RGR: variants seen among roughly 807,000 people sequenced by gnomAD.
RGR encodes retinal G protein coupled receptor.
A neutral mutation model predicts 28.6 loss-of-function variants in RGR; 30 were observed. The ratio of observed to expected loss-of-function variants is 1.05; its 90% confidence interval spans 0.78 to 1.42. The LOEUF is 1.42. Ranked by LOEUF, RGR falls within the 40% of genes most tolerant of loss-of-function variation. The probability of loss-of-function intolerance (pLI) is 0.00; values close to 1 mark genes in which losing one functional copy is unlikely to be tolerated. For synonymous variants in RGR, 180 were observed against 156.4 expected, an observed-to-expected ratio of 1.15 and a Z score of -1.13; for missense variants, 404 against 375.6, an observed-to-expected ratio of 1.08 and a Z score of -0.62.
chr10:84,254,752 T>C (rs1842862791), intron 5 of RGR, among the ~76,000 whole-genome samples: 1 of 152,200 alleles, frequency 6.6e-6, no homozygotes, highest in African/African-American at 2.4e-5. Flanking sequence ...GTTGCTTATG[T>C]TACTTTGGCC....
intron 3 of RGR, 122 bp from the exon 4 acceptor site, chr10:84,252,735 G>T: frequency 7.9e-7 from 1 of 1,258,270 alleles, no homozygotes. Flanking sequence ...CCAGCACTTT[G>T]GGAGACTGAG....
intron 5 of RGR, 82 bp from the exon 6 acceptor site, chr10:84,257,811 G>A (rs1209082934): frequency 2.6e-5 from 31 of 1,192,606 alleles, no homozygotes; most frequent in Non-Finnish European, 3.4e-5. Context: ...GCCCTGCTGA[G>A]TGCTGACCTG....
In RGR at chr10:84,258,642, C is replaced by G. The variant is rs115251643; in HGVS notation, c.*3C>G. The G allele has an allele frequency of 2.5e-6, 4 of 1,614,122 alleles. No individual in the cohort carries two copies. In the East Asian group the frequency reaches 8.9e-5, roughly 36 times the overall value. Reference sequence around the variant, plus strand: ...GGGAGAAGGACCGAACCAAGTGAGCCTGCCACCCTGGAGTGAGCCCCAGGC... The same window carrying G: ...GGGAGAAGGACCGAACCAAGTGAGCGTGCCACCCTGGAGTGAGCCCCAGGC... On this transcript the variant is annotated 3_prime_UTR_variant, in exon 7 of 7. Transcript: ENST00000652092.
chr10:84,249,894 A>G (rs1842794349), intron 3 of RGR, among the ~76,000 whole-genome samples: 1 of 152,170 alleles, frequency 6.6e-6, no homozygotes, highest in South Asian at 2.1e-4. Context: ...TTTTTTCTTA[A>G]AAGTGACTCA....
intron 1 of RGR, among the ~76,000 whole-genome samples, chr10:84,246,126 A>C (rs1040878044): frequency 6.6e-6 from 1 of 151,862 alleles, no homozygotes; most frequent in Non-Finnish European, 1.5e-5. Context: ...AAATTTTACC[A>C]CTTTATTTTT....
intron 1 of RGR, among the ~76,000 whole-genome samples, chr10:84,245,724 C>G (rs546118847): frequency 7.9e-5 from 12 of 152,268 alleles, no homozygotes; most frequent in African/African-American, 2.9e-4. Flanking sequence ...TCATTCACTC[C>G]CATCCTCTCC....
intron 4 of RGR, 111 bp downstream of exon 4, chr10:84,253,121 G>A (rs571083049): frequency 4.7e-4 from 585 of 1,251,742 alleles, no homozygotes; most frequent in Non-Finnish European, 6.0e-4. Flanking sequence ...GTCAACGTTT[G>A]CCAGACAATC....
At chr10:84,250,390 A>T in intron 3 of RGR, 1 of 717,266 alleles carries the variant, frequency 1.4e-6, no homozygotes, top group Non-Finnish European at 2.6e-6. Context: ...TCCAGGCCAA[A>T]ATGCTGCCAT....
Position 84,247,936 on chromosome 10 carries a change from AG to A in RGR, c.236+193del. On this transcript the variant is annotated intron_variant, in intron 2 of 6. Coordinates refer to ENST00000652092, the MANE Select transcript of RGR (RefSeq NM_001012720.2). The stretch of plus-strand genomic sequence containing the variant: ...GAACGACAGCTGATTTCTGGAAGAC[AG>A]GGGTTGCTGAAACCTGATGAAAGAG... The A allele has an allele frequency of 5.8e-6, 5 of 869,326 alleles. No homozygotes were observed. In the South Asian group the frequency reaches 7.7e-5, roughly 13 times the overall value. 53.9% of individuals were successfully genotyped at this position (869,326 alleles called of 1,614,324 possible).
In RGR at chr10:84,259,270, TGTAAC is replaced by T. The variant is rs1842925805; in HGVS notation, c.*634_*638del. 6.4e-6 allele frequency: 1 copy of T among 155,362 alleles called. No homozygotes were observed. The highest frequency in any genetic ancestry group is 2.0e-4 in the South Asian group (1 of 5,112). The allele number at this position is 155,362 out of a possible 1,614,324, so 9.6% of individuals were successfully genotyped here. On this transcript the variant is annotated 3_prime_UTR_variant, in exon 7 of 7. Coordinates refer to ENST00000652092, the MANE Select transcript of RGR (RefSeq NM_001012720.2). ...TATACATATATAAACGTTATATATATGTAACGTTTTCTTTATCCAATCATCTGTTG... is the reference window on the plus strand; with the variant it reads ...TATACATATATAAACGTTATATATATGTTTTCTTTATCCAATCATCTGTTG...
intron 5 of RGR, among the ~76,000 whole-genome samples, chr10:84,256,043 CT>C (rs1305353721): frequency 9.4e-4 from 43 of 45,762 alleles, no homozygotes; most frequent in East Asian, 6.4e-3. Context: ...TTCTTTGTTT[CT>C]TTTTTTTTTC....
chr10:84,256,035 CTTT>C (rs1564551512), intron 5 of RGR, among the ~76,000 whole-genome samples: 1 of 42,336 alleles, frequency 2.4e-5, no homozygotes, highest in Non-Finnish European at 5.3e-5. Context: ...TTTTTTTTTT[CTTT>C]GTTTCTTTTT....
intron 1 of RGR, among the ~76,000 whole-genome samples, chr10:84,246,971 G>A (rs957732738): frequency 3.3e-5 from 5 of 152,182 alleles, no homozygotes; most frequent in Non-Finnish European, 7.3e-5. Context: ...TGTCCTGCAG[G>A]TAAGTGCTTC....
chr10:84,250,060 G>A (rs1223189392), intron 3 of RGR, among the ~76,000 whole-genome samples: 4 of 152,162 alleles, frequency 2.6e-5, no homozygotes, highest in African/African-American at 9.7e-5. Flanking sequence ...ACATAAACAT[G>A]TTTTGGGGAG....
At position 84,258,704 on chromosome 10, in the gene RGR, A is replaced by G. The variant is rs3526; in HGVS notation, c.*65A>G. On this transcript the variant is annotated 3_prime_UTR_variant, in exon 7 of 7. Coordinates refer to ENST00000652092, the MANE Select transcript of RGR (RefSeq NM_001012720.2). ...TCCAGGAGTCCTGCCCAGCAGCCTC[A>G]GTGGCCAAGCCCAGACACTCACCCA... The G allele has an allele frequency of 0.23, 376,197 of 1,607,596 alleles. 45,479 individuals carry two copies. The highest frequency in any genetic ancestry group is 0.27 in the Admixed American group (15,926 of 59,668).
At chr10:84,250,245 T>C in intron 3 of RGR, 1 of 675,818 alleles carries the variant, frequency 1.5e-6, no homozygotes, top group Non-Finnish European at 2.8e-6. Flanking sequence ...CTGTGAGGTC[T>C]ATAGCCAGCA....
chr10:84,246,527 C>T (rs1387170893), intron 1 of RGR, among the ~76,000 whole-genome samples: 1 of 152,194 alleles, frequency 6.6e-6, no homozygotes, highest in African/African-American at 2.4e-5. Context: ...TAATGGCCTC[C>T]AGCTCCATCC....
rs760479828 is a variant in RGR at position 84,248,993 on chromosome 10, T to A, written c.308T>A (p.Ile103Asn). The change falls in exon 3 of 7, where the codon ATC (isoleucine) becomes AAC (asparagine). Residue 103 changes from isoleucine to asparagine, a missense_variant. Transcript: ENST00000652092. ...FQGFVTALASICSSAAIAWGR... is the reference protein window; with the variant it reads ...FQGFVTALASNCSSAAIAWGR... Reference sequence around the variant, plus strand: ...GGCTTTGTGACAGCGTTGGCCAGCATCTGCAGCAGTGCAGCCATCGCATGG... The same window carrying A: ...GGCTTTGTGACAGCGTTGGCCAGCAACTGCAGCAGTGCAGCCATCGCATGG... 1.9e-6 allele frequency: 3 copies of A among 1,614,096 alleles called. No individual in the cohort carries two copies. The highest frequency in any genetic ancestry group is 2.2e-5 in the South Asian group (2 of 91,078).
At chr10:84,245,214 C>A in intron 1 of RGR, 45 bp downstream of exon 1, 1 of 1,588,114 alleles carries the variant, frequency 6.3e-7, no homozygotes. Context: ...CCAGTGGGTT[C>A]TGAGGACCCA....
Sources: allele counts gnomAD v4.1 joint callset (sites outside exome capture counted in the v4.1 genomes callset), GRCh38; gene constraint gnomAD v4.1.1; transcripts MANE v1.5; gene names NCBI Gene and HGNC (gene_info 2026-07-23, HGNC 2026-07-21).